Variants in TDRD10 observed in about 807,000 individuals in gnomAD.
TDRD10 encodes the protein tudor domain containing 10.
In TDRD10, 40 loss-of-function variants were observed where a neutral mutation model predicts 48.0. The ratio of observed to expected loss-of-function variants is 0.83; its 90% CI spans 0.65 to 1.09. The LOEUF (loss-of-function observed/expected upper bound fraction) is 1.09. TDRD10 is among the 50% of genes least tolerant of loss of function. The probability of loss-of-function intolerance (pLI) is 0.00; values close to 1 mark genes in which losing one functional copy is unlikely to be tolerated. For missense variants in TDRD10, 378 were observed against 434.7 expected (o/e 0.87, Z 1.16); for synonymous variants, 162 against 170.4 (o/e 0.95, Z 0.38).
At chr1:154,512,253 G>A (rs1272247296) in intron 4 of TDRD10, among the ~76,000 whole-genome samples, 3 of 152,050 alleles carry the variant, frequency 2.0e-5, no homozygotes, top group Admixed American at 6.6e-5. Flanking sequence ...ATACAATGTC[G>A]AATTTTGTGT....
chr1:154,546,361 C>T (rs558751348), intron 11 of TDRD10, among the ~76,000 whole-genome samples: 39 of 145,392 alleles, frequency 2.7e-4, no homozygotes, highest in East Asian at 9.8e-4. Context: ...TGCGAGCCAC[C>T]GCACCCGGCC....
chr1:154,511,869 A>C (rs539124044), intron 4 of TDRD10, among the ~76,000 whole-genome samples: 1 of 152,072 alleles, frequency 6.6e-6, no homozygotes. Flanking sequence ...CAATGCAACA[A>C]AAAACAAAAA....
chr1:154,502,856 G>A lies in TDRD10; in HGVS notation c.-201G>A, dbSNP rs188460497. On this transcript the variant is annotated 5_prime_UTR_variant, in exon 1 of 13. Coordinates refer to ENST00000368482, the MANE Select transcript of TDRD10 (RefSeq NM_182499.4). ...TCCTGCGCTAGTTCCGTTACTCTTC[G>A]GTGGCACACGGTCCTGGGCAGCGCG... The A allele has an allele frequency of 6.6e-6, 1 of 152,204 alleles. No individual in the cohort carries two copies. Among genetic ancestry groups the A allele is most frequent in the Non-Finnish European group, 1.5e-5 (1 of 68,042 alleles). The allele number at this position is 152,204 out of a possible 1,614,324, so 9.4% of individuals were successfully genotyped here. A position where few individuals can be genotyped will look rare whatever the true frequency, so the allele number is the denominator to read the frequency against.
At chr1:154,524,050 T>A (rs1352955411) in intron 6 of TDRD10, among the ~76,000 whole-genome samples, 1 of 152,256 alleles carries the variant, frequency 6.6e-6, no homozygotes, top group Non-Finnish European at 1.5e-5. Flanking sequence ...AACATTTTTA[T>A]AATAGTTATT....
chr1:154,520,507 C>T (rs980261124), intron 5 of TDRD10, 133 bp downstream of exon 5: 7 of 682,452 alleles, frequency 1.0e-5, no homozygotes, highest in Admixed American at 2.4e-5. Context: ...GGCAAAGGAA[C>T]ATTTGGGAAA....
chr1:154,510,914 T>C (rs1214520337), intron 4 of TDRD10, among the ~76,000 whole-genome samples: 3 of 150,968 alleles, frequency 2.0e-5, no homozygotes, highest in Non-Finnish European at 3.0e-5. Context: ...GGCATGGTGG[T>C]GGGCGCCTGT....
At chr1:154,515,418 C>A (rs1013898654) in intron 4 of TDRD10, among the ~76,000 whole-genome samples, 13 of 152,208 alleles carry the variant, frequency 8.5e-5, no homozygotes, top group Non-Finnish European at 1.8e-4. Context: ...CAGTGGCTTC[C>A]CTTCTTATTT....
At chr1:154,533,944 C>T (rs1694790507) in intron 6 of TDRD10, among the ~76,000 whole-genome samples, 1 of 151,082 alleles carries the variant, frequency 6.6e-6, no homozygotes, top group African/African-American at 2.4e-5. Flanking sequence ...ACTATGTTGC[C>T]CAAGCTGGTC....
chr1:154,535,426 C>T (rs1694871862), intron 6 of TDRD10, among the ~76,000 whole-genome samples: 1 of 151,060 alleles, frequency 6.6e-6, no homozygotes, highest in Non-Finnish European at 1.5e-5. Context: ...TGGTGTGTAC[C>T]TGTAATCCCA....
intron 1 of TDRD10, among the ~76,000 whole-genome samples, chr1:154,503,996 C>A (rs1189859315): frequency 6.6e-6 from 1 of 152,146 alleles, no homozygotes; most frequent in Non-Finnish European, 1.5e-5. Context: ...TCTCCATCAC[C>A]CCCAAAAGAA....
intron 6 of TDRD10, among the ~76,000 whole-genome samples, chr1:154,532,573 C>T (rs540725261): frequency 1.4e-4 from 22 of 152,280 alleles, no homozygotes; most frequent in African/African-American, 4.3e-4. Flanking sequence ...GAATGGGCGC[C>T]GAGGCTGAGG....
At chr1:154,543,541 G>A (rs987441550) in intron 8 of TDRD10, among the ~76,000 whole-genome samples, 3 of 152,186 alleles carry the variant, frequency 2.0e-5, no homozygotes, top group Admixed American at 6.5e-5. Context: ...TGGAATGTGC[G>A]TAGACGCAGG....
At chr1:154,521,531 G>A (rs750631944) in intron 6 of TDRD10, 52 bp downstream of exon 6, 1 of 1,585,770 alleles carries the variant, frequency 6.3e-7, no homozygotes, top group African/African-American at 1.4e-5. Context: ...ACCCTTTAGA[G>A]CGTGGCTGAC....
Position 154,548,006 on chromosome 1 carries a change from T to C in TDRD10, c.*296T>C. ...GGGATGGTCTTTCTTGTGTCTCTTCTTTGCACCCCAGAGCATGATATAAGT... is the reference window on the plus strand; with the variant it reads ...GGGATGGTCTTTCTTGTGTCTCTTCCTTGCACCCCAGAGCATGATATAAGT... On this transcript the variant is annotated 3_prime_UTR_variant, in exon 13 of 13. Transcript: ENST00000368482. 2.0e-6 allele frequency: 1 copy of C among 508,954 alleles called. No homozygotes were observed. Among genetic ancestry groups the C allele is most frequent in the South Asian group, 2.5e-5 (1 of 39,734 alleles). The allele number at this position is 508,954 out of a possible 1,614,324, so 31.5% of individuals were successfully genotyped here.
chr1:154,546,466 C>T (rs1352144066), intron 11 of TDRD10, among the ~76,000 whole-genome samples: 1 of 141,112 alleles, frequency 7.1e-6, no homozygotes, highest in African/African-American at 2.6e-5. Context: ...TATTATGTAA[C>T]ATATATAATA....
At chr1:154,537,801 G>A (rs989639099) in intron 6 of TDRD10, among the ~76,000 whole-genome samples, 2 of 152,206 alleles carry the variant, frequency 1.3e-5, no homozygotes, top group Admixed American at 6.5e-5. Context: ...TCACTCTGGA[G>A]CAGGCGCACC....
intron 6 of TDRD10, among the ~76,000 whole-genome samples, chr1:154,526,913 TATTA>T (rs1044473990): frequency 2.1e-5 from 3 of 144,348 alleles, no homozygotes; most frequent in African/African-American, 7.7e-5. Flanking sequence ...ATTTTTTTAT[TATTA>T]ATTATTTTTT....
intron 6 of TDRD10, among the ~76,000 whole-genome samples, chr1:154,529,288 G>C (rs1257546838): frequency 6.6e-6 from 1 of 152,046 alleles, no homozygotes; most frequent in East Asian, 1.9e-4. Context: ...TGGCCAGGCA[G>C]GTCTCAAACT....
chr1:154,507,077 G>C, intron 2 of TDRD10, 164 bp from the exon 3 acceptor site: 2 of 985,388 alleles, frequency 2.0e-6, no homozygotes, highest in Non-Finnish European at 2.4e-6. Context: ...AGGTCCAGTG[G>C]AGGGCTTCCT....
Sources: allele counts gnomAD v4.1 joint callset (sites outside exome capture counted in the v4.1 genomes callset), GRCh38; gene constraint gnomAD v4.1.1; transcripts MANE v1.5; gene names NCBI Gene and HGNC (gene_info 2026-07-23, HGNC 2026-07-21).